Variants in VPS13A observed in about 807,000 individuals in gnomAD.
VPS13A encodes the protein vacuolar protein sorting 13 homolog A, also known as intermembrane lipid transfer protein VPS13A.
A neutral mutation model predicts 390.9 loss-of-function variants in VPS13A; 264 were observed. That is an observed-to-expected ratio of 0.68 (90% CI 0.61 to 0.75). VPS13A has a LOEUF of 0.75. VPS13A is among the 30% of genes least tolerant of loss of function. The probability of loss-of-function intolerance (pLI) is 0.00; values close to 1 mark genes in which losing one functional copy is unlikely to be tolerated. For missense variants in VPS13A, 3,409 were observed against 3,733.9 expected (o/e 0.91, Z 2.27); for synonymous variants, 1,231 against 1,227.1 (o/e 1.00, Z -0.07).
At chr9:77,412,506 G>A (rs545703056) in intron 71 of VPS13A, among the ~76,000 whole-genome samples, 7 of 152,084 alleles carry the variant, frequency 4.6e-5, no homozygotes, top group South Asian at 2.1e-4. Context: ...TATGATTATC[G>A]CAATACATGC....
intron 46 of VPS13A, among the ~76,000 whole-genome samples, chr9:77,333,249 G>A (rs1830371396): frequency 6.6e-6 from 1 of 151,878 alleles, no homozygotes; most frequent in Non-Finnish European, 1.5e-5. Flanking sequence ...CCATAGTAGA[G>A]AAAACAGTAC....
intron 10 of VPS13A, among the ~76,000 whole-genome samples, chr9:77,215,541 GGAGA>G (rs935340424): frequency 5.3e-5 from 8 of 152,182 alleles, no homozygotes; most frequent in Admixed American, 3.9e-4. Flanking sequence ...AGTTCAGTGA[GGAGA>G]GAGAAAGTAC....
At chr9:77,326,752 T>G (rs1338651168) in intron 45 of VPS13A, among the ~76,000 whole-genome samples, 1 of 152,200 alleles carries the variant, frequency 6.6e-6, no homozygotes, top group Non-Finnish European at 1.5e-5. Flanking sequence ...ATTCCTTTAA[T>G]GTACCTGATA....
intron 1 of VPS13A, among the ~76,000 whole-genome samples, chr9:77,181,588 G>A (rs1049152645): frequency 2.6e-5 from 4 of 151,294 alleles, no homozygotes; most frequent in East Asian, 1.9e-4. Flanking sequence ...ATGGTCTAAC[G>A]TGAAGGACCT....
Position 77,250,148 on chromosome 9 carries a change from A to C in VPS13A, c.2089A>C (p.Asn697His). 1 of 1,613,970 alleles carries C rather than the reference A, an allele frequency of 6.2e-7. No homozygotes were observed. The highest frequency in any genetic ancestry group is 8.5e-7 in the Non-Finnish European group (1 of 1,179,938). The part of the protein sequence containing the change: ...ELPDVKQGEA[N>H]LKEIMDRAYD... ...ACCAGATGTGAAACAAGGTGAGGCC[A>C]ATCTTAAAGAGATAATGGATAGAGC... Residue 697 changes from asparagine to histidine, a missense_variant, in exon 21 of 72, where the codon AAT becomes CAT. Around this residue, in one of 5 missense-constraint regions of VPS13A, gnomAD observed 2,717 missense variants for 2,917.4 expected, o/e 0.93. Transcript: ENST00000360280.
At chr9:77,338,472 A>C (rs944494282) in intron 47 of VPS13A, 2 of 152,036 alleles carry the variant, frequency 1.3e-5, no homozygotes, top group African/African-American at 2.4e-5. Context: ...TGCTTTTCTA[A>C]ATCTTTTGCT....
chr9:77,379,631 C>T (rs535138040), intron 67 of VPS13A, among the ~76,000 whole-genome samples: 1 of 152,150 alleles, frequency 6.6e-6, no homozygotes, highest in African/African-American at 2.4e-5. Context: ...ACCTCGGCCT[C>T]GCAAAGTGCT....
rs1823536703 is a variant in VPS13A, at chr9:77,226,683, G to A, written c.1357+85G>A. On this transcript the variant is annotated intron_variant, in intron 15 of 71. Transcript: ENST00000360280. Reference sequence around the variant, plus strand: ...ATTTTTTGCCTAATTAAAGTAAATAGACATTGAAATATATTTATTTAATTA... The same window carrying A: ...ATTTTTTGCCTAATTAAAGTAAATAAACATTGAAATATATTTATTTAATTA... 10 of 1,304,696 alleles carry A rather than the reference G, an allele frequency of 7.7e-6. No individual in the cohort carries two copies. The South Asian group carries it at 1.5e-4, about 19-fold the overall frequency. 80.8% of individuals were successfully genotyped at this position (1,304,696 alleles called of 1,614,324 possible).
intron 59 of VPS13A, among the ~76,000 whole-genome samples, chr9:77,365,034 A>G (rs1183535354): frequency 1.3e-5 from 2 of 152,188 alleles, no homozygotes; most frequent in Non-Finnish European, 2.9e-5. Context: ...AATTAATGCA[A>G]AATTGTTTTC....
At chr9:77,180,771 A>G (rs1042366283) in intron 1 of VPS13A, among the ~76,000 whole-genome samples, 1 of 152,220 alleles carries the variant, frequency 6.6e-6, no homozygotes, top group African/African-American at 2.4e-5. Flanking sequence ...GTCTGTCTCA[A>G]TCTGTGTGTC....
intron 10 of VPS13A, 86 bp downstream of exon 10, chr9:77,214,472 T>C: frequency 9.2e-7 from 1 of 1,084,920 alleles, no homozygotes; most frequent in Non-Finnish European, 1.4e-6. Context: ...CTGTGCTAGT[T>C]CCTGTTAAAT....
intron 70 of VPS13A, among the ~76,000 whole-genome samples, chr9:77,406,397 C>T (rs1834610263): frequency 6.6e-6 from 1 of 152,000 alleles, no homozygotes; most frequent in East Asian, 1.9e-4. Context: ...TTCATGAGAC[C>T]TTATATCTAC....
intron 58 of VPS13A, 151 bp downstream of exon 58, chr9:77,359,553 C>A: frequency 1.2e-6 from 1 of 835,992 alleles, no homozygotes; most frequent in Non-Finnish European, 1.8e-6. Flanking sequence ...TGTTGTGGCT[C>A]ACGCCTGTAA....
intron 71 of VPS13A, among the ~76,000 whole-genome samples, chr9:77,415,663 G>C (rs555701452): frequency 6.6e-6 from 1 of 152,252 alleles, no homozygotes; most frequent in African/African-American, 2.4e-5. Context: ...AATCAGCACA[G>C]ATTGGAAGGA....
At chr9:77,195,550 A>G (rs1824944305) in intron 1 of VPS13A, among the ~76,000 whole-genome samples, 1 of 152,112 alleles carries the variant, frequency 6.6e-6, no homozygotes, top group Admixed American at 6.5e-5. Context: ...CAGCTTGGCC[A>G]ACATGACAAA....
chr9:77,191,367 C>T (rs1478430568), intron 1 of VPS13A, among the ~76,000 whole-genome samples: 1 of 149,846 alleles, frequency 6.7e-6, no homozygotes, highest in Non-Finnish European at 1.5e-5. Flanking sequence ...GAACACGGCT[C>T]ACTGCAGCCT....
At chr9:77,224,369 C>G (rs996577081) in intron 13 of VPS13A, among the ~76,000 whole-genome samples, 1 of 152,086 alleles carries the variant, frequency 6.6e-6, no homozygotes, top group Non-Finnish European at 1.5e-5. Context: ...TGGATCTGGG[C>G]AAAGTAAATT....
chr9:77,260,161 G>T lies in VPS13A; in HGVS notation c.2364G>T (p.Leu788Phe). Reference protein sequence around the residue: ...SDKKLQGIMELIESIPKPEPV... With the variant: ...SDKKLQGIMEFIESIPKPEPV... ...AAAAACTACAAGGGATTATGGAATT[G>T]ATTGAAAGCATTCCAAAACCTGAAC... Residue 788 changes from leucine (L) to phenylalanine (F), a missense_variant, in exon 23 of 72, where the codon TTG becomes TTT. Leu to Phe is a conservative substitution (Grantham distance 22). This residue lies in a region of VPS13A where 2,717 missense variants were observed against 2,917.4 expected (regional missense o/e 0.93). Coordinates refer to ENST00000360280, the MANE Select transcript of VPS13A (RefSeq NM_033305.3). The T allele has an allele frequency of 6.2e-7, 1 of 1,609,964 alleles. No individual in the cohort carries two copies. The highest frequency in any genetic ancestry group is 1.1e-5 in the South Asian group (1 of 90,858).
At chr9:77,403,156 TA>T (rs1232362465) in intron 68 of VPS13A, 79 bp from the exon 69 acceptor site, 2 of 967,916 alleles carry the variant, frequency 2.1e-6, no homozygotes, top group African/African-American at 3.2e-5. Flanking sequence ...AAATGGTTTT[TA>T]GAGGACTATA....
Sources: gnomAD v4.1 joint callset for allele counts (sites outside exome capture counted in the v4.1 genomes callset) on GRCh38, gnomAD v4.1.1 for gene constraint, gnomAD v4.1.1 regional missense constraint, MANE v1.5 for transcripts, NCBI Gene and HGNC (gene_info 2026-07-23, HGNC 2026-07-21) for gene names.